The following NUP62 variants were observed in gnomAD, a reference collection of about 807,000 sequenced individuals.
NUP62 encodes nuclear pore glycoprotein p62.
For missense variants in NUP62, 647 were observed against 689.4 expected (o/e 0.94, Z 0.69); for synonymous variants, 305 against 303.4 (o/e 1.01, Z -0.05).
Position 49,921,977 on chromosome 19 carries a change from G to A in NUP62, c.-78+5717C>T, listed in dbSNP as rs2075775525. ...AGCAGCCCCGACGGCAGGGCCCTAG[G>A]GCCCCAGGCCAGGCCACCACGACCA... is the stretch of plus-strand genomic sequence containing the variant. On this transcript the variant is annotated intron_variant, in intron 2 of 2. Transcript: ENST00000352066. This position sits in a 1 kb window ranked among gnomAD's most constrained non-coding sequence, Gnocchi z 5.4. Among the ~76,000 whole-genome samples, 1 of 152,146 alleles carries A rather than the reference G, an allele frequency of 6.6e-6. No individual in the cohort carries two copies. Among genetic ancestry groups the A allele is most frequent in the Non-Finnish European group, 1.5e-5 (1 of 68,004 alleles).
intron 2 of NUP62, chr19:49,918,757 C>G (rs891560724): frequency 6.6e-6 from 1 of 152,132 alleles, no homozygotes; most frequent in Admixed American, 6.6e-5. Context: ...GTTTCAATGC[C>G]TAAATGTTCC....
At chr19:49,925,469 A>T (rs2075865710) in intron 2 of NUP62, among the ~76,000 whole-genome samples, 1 of 147,240 alleles carries the variant, frequency 6.8e-6, no homozygotes, top group Non-Finnish European at 1.5e-5. Context: ...AAAAAATAGC[A>T]TCCTACCTGG....
Position 49,907,146 on chromosome 19 carries a change from C to T in NUP62, c.*1093G>A, listed in dbSNP as rs1014554932. On this transcript the variant is annotated 3_prime_UTR_variant, in exon 3 of 3. Transcript: ENST00000352066. ...CGGGGAACGACAGTGGGTCTCTGCC[C>T]ATGGGAACTCACAATCTAACAGCGA... The T allele has an allele frequency of 6.0e-6, 1 of 167,988 alleles. No homozygotes were observed. The highest frequency in any genetic ancestry group is 5.8e-5 in the Admixed American group (1 of 17,372). The allele number at this position is 167,988 out of a possible 1,614,324, so 10.4% of individuals were successfully genotyped here.
intron 2 of NUP62, among the ~76,000 whole-genome samples, chr19:49,911,774 G>A (rs578218894): frequency 2.4e-4 from 37 of 152,308 alleles, no homozygotes; most frequent in African/African-American, 5.3e-4. Flanking sequence ...CAGTCTCTCC[G>A]GGGCTGGGAT....
chr19:49,914,726 G>GTATTTTT (rs2075575543), intron 2 of NUP62, among the ~76,000 whole-genome samples: 1 of 56,362 alleles, frequency 1.8e-5, no homozygotes, highest in Non-Finnish European at 3.2e-5. Flanking sequence ...CCAAGTCCCA[G>GTATTTTT]TTTTTTTTTT....
At position 49,909,637 on chromosome 19, in the gene NUP62, G is replaced by T; in HGVS notation, c.171C>A (p.Thr57=). 1 of 1,614,216 alleles carries T rather than the reference G, an allele frequency of 6.2e-7. No individual in the cohort carries two copies. The highest frequency in any genetic ancestry group is 8.5e-7 in the Non-Finnish European group (1 of 1,180,048). Residue 57 remains threonine (T), a synonymous_variant, in exon 3 of 3, where the codon ACC becomes ACA. Coordinates refer to ENST00000352066, the MANE Select transcript of NUP62 (RefSeq NM_016553.5). Reference sequence around the variant, plus strand: ...TCTGGGTGGCAAGTGAGAACAGGCCGGTGGAAGGGGTACTTGTGGCTGGTT... The same window carrying T: ...TCTGGGTGGCAAGTGAGAACAGGCCTGTGGAAGGGGTACTTGTGGCTGGTT... The part of the protein sequence containing the change: ...PFQPATSTPS[T]GLFSLATQTP...
chr19:49,926,310 ACCTGAAGTCAGGAG>A (rs1313841256), intron 2 of NUP62, among the ~76,000 whole-genome samples: 1 of 151,334 alleles, frequency 6.6e-6, no homozygotes, highest in African/African-American at 2.4e-5. Context: ...TGGGTGGATC[ACCTGAAGTCAGGAG>A]TTCAAGACCA....
chr19:49,928,576 T>G (rs2075970981), intron 1 of NUP62: 1 of 151,964 alleles, frequency 6.6e-6, no homozygotes, highest in African/African-American at 2.4e-5. Flanking sequence ...GCATAAGGCT[T>G]GCCAGACATC....
intron 2 of NUP62, among the ~76,000 whole-genome samples, chr19:49,915,581 C>A (rs753417515): frequency 1.3e-5 from 2 of 152,226 alleles, no homozygotes; most frequent in African/African-American, 2.4e-5. Flanking sequence ...CTTGTTACAG[C>A]AGCCACTAGA....
chr19:49,920,175 C>T (rs1175798101), intron 2 of NUP62, among the ~76,000 whole-genome samples: 2 of 152,142 alleles, frequency 1.3e-5, no homozygotes, highest in South Asian at 2.1e-4. Context: ...CTCTGCCTCC[C>T]GGGTTCAAGC....
chr19:49,913,406 A>G (rs2075531371), intron 2 of NUP62, among the ~76,000 whole-genome samples: 1 of 152,188 alleles, frequency 6.6e-6, no homozygotes, highest in Admixed American at 6.5e-5. Flanking sequence ...TAGAGAGTCC[A>G]TGTTGACGCT....
rs975666499 is a variant in NUP62 at position 49,907,896 on chromosome 19, G to C, written c.*343C>G. The C allele has an allele frequency of 4.8e-6, 2 of 420,956 alleles. No homozygotes were observed. Among genetic ancestry groups the C allele is most frequent in the East Asian group, 1.1e-4 (2 of 18,790 alleles). 26.1% of individuals were successfully genotyped at this position (420,956 alleles called of 1,614,324 possible). A position where few individuals can be genotyped will look rare whatever the true frequency, so the allele number is the denominator to read the frequency against. On this transcript the variant is annotated 3_prime_UTR_variant, in exon 3 of 3. Coordinates refer to ENST00000352066, the MANE Select transcript of NUP62 (RefSeq NM_016553.5). ...CACCTATGACTATGCTTTGGAGAGA[G>C]TGGCTGCCCCCACGACCCTGGCTGG...
At chr19:49,926,606 C>T (rs556676620) in intron 2 of NUP62, among the ~76,000 whole-genome samples, 12 of 152,296 alleles carry the variant, frequency 7.9e-5, no homozygotes, top group East Asian at 5.8e-4. Context: ...AAGATTCTAC[C>T]GGCGGGGCGG....
At chr19:49,920,513 A>G (rs1241588575) in intron 2 of NUP62, among the ~76,000 whole-genome samples, 1 of 152,190 alleles carries the variant, frequency 6.6e-6, no homozygotes, top group African/African-American at 2.4e-5. Flanking sequence ...TATCTCAATA[A>G]AGCCACTCAA....
In NUP62 at chr19:49,908,638, G is replaced by A. The variant is rs538287092; in HGVS notation, c.1170C>T (p.Asp390=). Residue 390 remains aspartate, a synonymous_variant, in exon 3 of 3, where the codon GAC becomes GAT. Transcript: ENST00000352066. ...GGGACAGGATGAAGTCGAGCTCCTG[G>A]TCCAGCCTCTTCTGGTCCAGCTTCA... ...EKVKLDQKRL[D]QELDFILSQQ... The A allele has an allele frequency of 1.2e-5, 20 of 1,613,150 alleles. No homozygotes were observed. Among genetic ancestry groups the A allele is most frequent in the Admixed American group, 3.3e-5 (2 of 60,026 alleles).
intron 2 of NUP62, among the ~76,000 whole-genome samples, chr19:49,920,383 G>A (rs2075736687): frequency 6.6e-6 from 1 of 152,188 alleles, no homozygotes; most frequent in Non-Finnish European, 1.5e-5. Flanking sequence ...GCCCGGCCTA[G>A]GAGTTTCTTT....
At chr19:49,924,976 A>G (rs1273685) in intron 2 of NUP62, among the ~76,000 whole-genome samples, 36,024 of 152,026 alleles carry the variant, frequency 0.24, 4,420 homozygotes, top group African/African-American at 0.28. Flanking sequence ...AATTACCCAC[A>G]CCGGGCCAGG....
chr19:49,910,239 G>A (rs1168629812), intron 2 of NUP62, among the ~76,000 whole-genome samples: 1 of 152,100 alleles, frequency 6.6e-6, no homozygotes, highest in East Asian at 1.9e-4. Context: ...AACAGCTGTA[G>A]GACCTGCTCC....
In NUP62 at chr19:49,909,245, A is replaced by C. The variant is rs758877471; in HGVS notation, c.563T>G (p.Leu188Trp). Residue 188 changes from leucine to tryptophan, a missense_variant, in exon 3 of 3, where the codon TTG becomes TGG. Transcript: ENST00000352066. ...NSAQPTAPAT[L>W]PFTPATPAAT... ...TGCTGGCGTGGCCGGAGTGAAGGGCAACGTGGCAGGTGCCGTGGGCTGGGC... is the reference window on the plus strand; with the variant it reads ...TGCTGGCGTGGCCGGAGTGAAGGGCCACGTGGCAGGTGCCGTGGGCTGGGC... 1 of 1,614,052 alleles carries C rather than the reference A, an allele frequency of 6.2e-7. No individual in the cohort carries two copies. Among genetic ancestry groups the C allele is most frequent in the Non-Finnish European group, 8.5e-7 (1 of 1,179,982 alleles).
Sources: allele counts gnomAD v4.1 joint callset (sites outside exome capture counted in the v4.1 genomes callset), GRCh38; gene constraint gnomAD v4.1.1; non-coding constraint Gnocchi (gnomAD v3.1); transcripts MANE v1.5; gene names NCBI Gene and HGNC (gene_info 2026-07-23, HGNC 2026-07-21).